The following RNGTT variants were observed in gnomAD, a reference collection of about 807,000 sequenced individuals.
The protein encoded by RNGTT is mRNA-capping enzyme.
RNGTT carries 33 observed loss-of-function variants against 79.3 expected under a neutral mutation model. The observed-to-expected ratio is 0.42, with a 90% CI of 0.32 to 0.56. RNGTT has a LOEUF of 0.56. RNGTT is among the 20% of genes least tolerant of loss of function. RNGTT has a pLI of 0.17. For synonymous variants in RNGTT, 222 were observed against 235.9 expected, an observed-to-expected ratio of 0.94 and a Z score of 0.54; for missense variants, 497 against 739.1, an observed-to-expected ratio of 0.67 and a Z score of 3.80.
chr6:88,915,280 G>C (rs551321525), intron 4 of RNGTT, among the ~76,000 whole-genome samples: 3 of 152,014 alleles, frequency 2.0e-5, no homozygotes, highest in Non-Finnish European at 4.4e-5. Flanking sequence ...ATACCCAAAG[G>C]AACACAAATC....
Position 88,878,863 on chromosome 6 carries a change from T to A in RNGTT, c.896+11632A>T, listed in dbSNP as rs115203324. On this transcript the variant is annotated intron_variant, in intron 8 of 15. Coordinates refer to ENST00000369485, the MANE Select transcript of RNGTT (RefSeq NM_003800.5). Reference sequence around the variant, plus strand: ...CATTCTGTTCCTAAATAAGATATACTTTTTTGTTTGTAGTTCACTGAAAAT... The same window carrying A: ...CATTCTGTTCCTAAATAAGATATACATTTTTGTTTGTAGTTCACTGAAAAT... Among the ~76,000 whole-genome samples, 1,394 of 152,318 alleles carry A rather than the reference T, an allele frequency of 9.2e-3. 23 individuals carry two copies. Among genetic ancestry groups the A allele is most frequent in the African/African-American group, 0.03 (1,260 of 41,562 alleles).
intron 8 of RNGTT, among the ~76,000 whole-genome samples, chr6:88,866,822 G>A (rs550637662): frequency 7.9e-5 from 12 of 152,238 alleles, no homozygotes; most frequent in Admixed American, 1.3e-4. Context: ...GATTTCTCTT[G>A]GTTTTAAGTA....
chr6:88,752,486 A>T (rs9294414), intron 13 of RNGTT, among the ~76,000 whole-genome samples: 21,042 of 152,092 alleles, frequency 0.14, 1,586 homozygotes, highest in Middle Eastern at 0.23. Flanking sequence ...TTGCTAATTT[A>T]AAAAATTCCA....
intron 1 of RNGTT, among the ~76,000 whole-genome samples, chr6:88,953,473 A>G (rs1169864491): frequency 1.3e-5 from 2 of 152,212 alleles, no homozygotes; most frequent in Non-Finnish European, 1.5e-5. Context: ...ATGTGGGATT[A>G]TGTTAAACAG....
intron 6 of RNGTT, among the ~76,000 whole-genome samples, chr6:88,893,315 T>C (rs1054306721): frequency 6.6e-6 from 1 of 152,094 alleles, no homozygotes; most frequent in Admixed American, 6.5e-5. Flanking sequence ...CATGAGATGT[T>C]CTTTTTAAGT....
At position 88,892,052 on chromosome 6, in the gene RNGTT, G is replaced by A. The variant is rs899718939; in HGVS notation, c.685-137C>T. 2.2e-5 allele frequency: 13 copies of A among 592,640 alleles called. 1 individual carries two copies. The highest frequency in any genetic ancestry group is 9.7e-5 in the African/African-American group (5 of 51,792). 36.7% of individuals were successfully genotyped at this position (592,640 alleles called of 1,614,324 possible). On this transcript the variant is annotated intron_variant, in intron 6 of 15. Transcript: ENST00000369485. ...GCAAGTCAATATATCTAACAGAAAC[G>A]GTCTGCTGTATAAACTCCCCTAAGA...
At chr6:88,805,373 A>T (rs998453628) in intron 11 of RNGTT, among the ~76,000 whole-genome samples, 1 of 152,228 alleles carries the variant, frequency 6.6e-6, no homozygotes, top group Non-Finnish European at 1.5e-5. Flanking sequence ...GGCTTCTATC[A>T]GGCTTCACAA....
chr6:88,761,149 C>T (rs9344857), intron 13 of RNGTT, among the ~76,000 whole-genome samples: 21,024 of 151,730 alleles, frequency 0.14, 1,593 homozygotes, highest in Middle Eastern at 0.24. Flanking sequence ...TGCTAGGAAG[C>T]TAGCATTTCT....
At chr6:88,753,881 G>T (rs529087885) in intron 13 of RNGTT, among the ~76,000 whole-genome samples, 2 of 152,146 alleles carry the variant, frequency 1.3e-5, no homozygotes, top group African/African-American at 4.8e-5. Flanking sequence ...TATTTAGAAA[G>T]TACGGGTTAA....
chr6:88,784,170 AG>A (rs1779156736), intron 12 of RNGTT, among the ~76,000 whole-genome samples: 2 of 152,188 alleles, frequency 1.3e-5, no homozygotes, highest in South Asian at 4.1e-4. Flanking sequence ...TGAGTTAAGT[AG>A]CTACAAGAGA....
At chr6:88,832,603 G>A (rs752418955) in intron 11 of RNGTT, among the ~76,000 whole-genome samples, 14 of 152,164 alleles carry the variant, frequency 9.2e-5, no homozygotes, top group Non-Finnish European at 1.9e-4. Context: ...TTAAACTAAA[G>A]AGCTTGTGCA....
chr6:88,610,899 T>G lies in RNGTT; in HGVS notation c.*1820A>C, dbSNP rs959418702. 1 of 152,012 alleles carries G rather than the reference T, an allele frequency of 6.6e-6. No individual in the cohort carries two copies. Among genetic ancestry groups the G allele is most frequent in the Non-Finnish European group, 1.5e-5 (1 of 67,992 alleles). The allele number at this position is 152,012 out of a possible 1,614,324, so 9.4% of individuals were successfully genotyped here. ...GGGAAAGCAGCACACCGTGGAAGAG[T>G]CACTCGTCCTGGGGAAGCAGGCATC... On this transcript the variant is annotated 3_prime_UTR_variant, in exon 16 of 16. Transcript: ENST00000369485.
chr6:88,696,640 T>C (rs1404009089), intron 13 of RNGTT, among the ~76,000 whole-genome samples: 1 of 138,972 alleles, frequency 7.2e-6, no homozygotes, highest in Non-Finnish European at 1.6e-5. Flanking sequence ...ACACAAAATG[T>C]GTAAAGTGCA....
intron 13 of RNGTT, among the ~76,000 whole-genome samples, chr6:88,755,706 T>TAATCC (rs1277091680): frequency 1.3e-5 from 2 of 152,026 alleles, no homozygotes; most frequent in Non-Finnish European, 1.5e-5. Flanking sequence ...ATCACACCTG[T>TAATCC]AATCCCAGGA....
intron 11 of RNGTT, among the ~76,000 whole-genome samples, chr6:88,827,129 T>C (rs1032261293): frequency 2.1e-4 from 32 of 151,932 alleles, no homozygotes; most frequent in Non-Finnish European, 8.8e-5. Context: ...AGCTCCAGTC[T>C]GCAGCTCCCA....
chr6:88,701,983 A>C (rs1582353511), intron 13 of RNGTT, among the ~76,000 whole-genome samples: 1 of 151,940 alleles, frequency 6.6e-6, no homozygotes, highest in African/African-American at 2.4e-5. Flanking sequence ...AACACACACA[A>C]AAAAACCTAT....
intron 14 of RNGTT, among the ~76,000 whole-genome samples, chr6:88,642,881 A>G (rs972995839): frequency 3.3e-5 from 5 of 152,236 alleles, no homozygotes; most frequent in African/African-American, 1.2e-4. Context: ...AATTAAAGTC[A>G]TGTAATTGTT....
intron 1 of RNGTT, among the ~76,000 whole-genome samples, chr6:88,957,234 G>T (rs926500202): frequency 6.6e-6 from 1 of 152,012 alleles, no homozygotes; most frequent in Admixed American, 6.6e-5. Context: ...ATAATAAAAG[G>T]CATCTATGAC....
chr6:88,948,420 C>T (rs1321349432), intron 1 of RNGTT, among the ~76,000 whole-genome samples: 56 of 136,540 alleles, frequency 4.1e-4, no homozygotes, highest in African/African-American at 1.4e-3. Context: ...GGCGCCTCTG[C>T]CCGGCCGCCC....
Sources: allele counts gnomAD v4.1 joint callset (sites outside exome capture counted in the v4.1 genomes callset), GRCh38; gene constraint gnomAD v4.1.1; transcripts MANE v1.5; gene names NCBI Gene and HGNC (gene_info 2026-07-23, HGNC 2026-07-21).